PRKN: variants seen among roughly 807,000 people sequenced by gnomAD.
PRKN encodes the protein parkin RBR E3 ubiquitin protein ligase.
A neutral mutation model predicts 59.5 loss-of-function variants in PRKN; 56 were observed. That is an observed-to-expected ratio of 0.94 (90% CI 0.76 to 1.18). PRKN has a LOEUF of 1.18. Ranked by LOEUF, PRKN falls within the 50% of genes most tolerant of loss-of-function variation. PRKN has a pLI of 0.00. For missense variants in PRKN, 657 were observed against 596.4 expected (o/e 1.10, Z -1.06); for synonymous variants, 250 against 222.1 (o/e 1.13, Z -1.12).
At chr6:162,368,076 T>A (rs1022578766) in intron 2 of PRKN, among the ~76,000 whole-genome samples, 5 of 152,114 alleles carry the variant, frequency 3.3e-5, no homozygotes, top group African/African-American at 1.2e-4. Flanking sequence ...TTGGATCCAC[T>A]GAGCAGATGT....
intron 1 of PRKN, among the ~76,000 whole-genome samples, chr6:162,605,990 G>A (rs1781898433): frequency 6.6e-6 from 1 of 152,166 alleles, no homozygotes; most frequent in Non-Finnish European, 1.5e-5. Flanking sequence ...CAAATGCAGA[G>A]ATTCAAAGTT....
At position 162,396,545 on chromosome 6, in the gene PRKN, G is replaced by A. The variant is rs192429736; in HGVS notation, c.171+46765C>T. Among the ~76,000 whole-genome samples, 168 of 152,188 alleles carry A rather than the reference G, an allele frequency of 1.1e-3. 1 individual carries two copies. Among genetic ancestry groups the A allele is most frequent in the African/African-American group, 3.7e-3 (154 of 41,500 alleles). On this transcript the variant is annotated intron_variant, in intron 2 of 11. Coordinates refer to ENST00000366898, the MANE Select transcript of PRKN (RefSeq NM_004562.3). Reference sequence around the variant, plus strand: ...TCGTGACAAGGACCTTGTCTGTCGCGTTCACTGTTGTCACTCAGTCAGCCT... The same window carrying A: ...TCGTGACAAGGACCTTGTCTGTCGCATTCACTGTTGTCACTCAGTCAGCCT...
intron 1 of PRKN, among the ~76,000 whole-genome samples, chr6:162,522,487 A>C (rs1778116749): frequency 6.6e-6 from 1 of 152,234 alleles, no homozygotes; most frequent in Non-Finnish European, 1.5e-5. Flanking sequence ...GGTCTATACC[A>C]TCATGATAAA....
chr6:162,090,832 A>C (rs1356240488), intron 4 of PRKN, among the ~76,000 whole-genome samples: 1 of 152,132 alleles, frequency 6.6e-6, no homozygotes. Context: ...AAAATGCTAG[A>C]CCCTAAGATT....
chr6:161,780,448 C>A (rs1472440482), intron 7 of PRKN, among the ~76,000 whole-genome samples: 1 of 152,072 alleles, frequency 6.6e-6, no homozygotes, highest in Admixed American at 6.6e-5. Flanking sequence ...AGGGGTTATC[C>A]CAAGGGAACA....
At chr6:162,027,875 GGAA>G (rs1266230533) in intron 5 of PRKN, among the ~76,000 whole-genome samples, 2 of 151,546 alleles carry the variant, frequency 1.3e-5, no homozygotes, top group African/African-American at 4.8e-5. Flanking sequence ...AGAGAGGGAG[GGAA>G]GAAGGAAGGT....
In PRKN at chr6:161,566,556, G is replaced by A. The variant is rs1337655363; in HGVS notation, c.933+2799C>T. ...TGAGTAGCTGAGATTACAGGCGCCC[G>A]CCACCACACCCAGCTAACTTCTGTA... On this transcript the variant is annotated intron_variant, in intron 8 of 11. Transcript: ENST00000366898. This position sits in a 1 kb window ranked among gnomAD's most constrained non-coding sequence, Gnocchi z 4.1. 3.9e-5 allele frequency among the ~76,000 whole-genome samples: 6 copies of A among 151,914 alleles called. No individual in the cohort carries two copies. Among genetic ancestry groups the A allele is most frequent in the Admixed American group, 1.3e-4 (2 of 15,244 alleles).
rs117854189 is a variant in PRKN at position 161,982,230 on chromosome 6, G to T, written c.619-8813C>A. On this transcript the variant is annotated intron_variant, in intron 5 of 11. Transcript: ENST00000366898. Reference sequence around the variant, plus strand: ...TCCTGAAAAGTAAAATAAAAGGTTTGCCCACTGCTCAAGGAAATAAAAGAG... The same window carrying T: ...TCCTGAAAAGTAAAATAAAAGGTTTTCCCACTGCTCAAGGAAATAAAAGAG... Among the ~76,000 whole-genome samples, 62 of 149,776 alleles carry T rather than the reference G, an allele frequency of 4.1e-4. 3 individuals are homozygous for T. The highest frequency in any genetic ancestry group is 1.3e-3 in the South Asian group (6 of 4,800).
intron 10 of PRKN, among the ~76,000 whole-genome samples, chr6:161,368,343 G>GTATATATATT (rs1785302128): frequency 4.0e-5 from 3 of 74,926 alleles, no homozygotes; most frequent in African/African-American, 1.2e-4. Context: ...ATATATATTT[G>GTATATATATT]TATATATATT....
chr6:161,559,066 AC>A (rs1780355496), intron 8 of PRKN, among the ~76,000 whole-genome samples: 1 of 133,158 alleles, frequency 7.5e-6, no homozygotes, highest in African/African-American at 2.6e-5. Context: ...AAAAAAAAAA[AC>A]CAGTAAACAA....
At chr6:161,771,942 T>C (rs560627770) in intron 7 of PRKN, among the ~76,000 whole-genome samples, 2 of 152,304 alleles carry the variant, frequency 1.3e-5, no homozygotes, top group East Asian at 3.9e-4. Context: ...CTCATAGCAA[T>C]TTCTATGCAT....
chr6:162,147,241 G>C (rs151165299), intron 4 of PRKN, among the ~76,000 whole-genome samples: 2,405 of 151,256 alleles, frequency 0.016, 70 homozygotes, highest in African/African-American at 0.055. Context: ...TACTAGGGAG[G>C]CTAAGGTGGG....
At position 161,418,748 on chromosome 6, in the gene PRKN, A is replaced by G. The variant is rs1000612805; in HGVS notation, c.1084-31871T>C. 2.6e-5 allele frequency among the ~76,000 whole-genome samples: 4 copies of G among 152,166 alleles called. 1 individual carries two copies. The highest frequency in any genetic ancestry group is 9.7e-5 in the African/African-American group (4 of 41,422). Reference sequence around the variant, plus strand: ...AAAGCTGAAGTGTGAACAACAATTCACTCTTTCTATGGCCTCCCACATAGT... The same window carrying G: ...AAAGCTGAAGTGTGAACAACAATTCGCTCTTTCTATGGCCTCCCACATAGT... On this transcript the variant is annotated intron_variant, in intron 9 of 11. Coordinates refer to ENST00000366898, the MANE Select transcript of PRKN (RefSeq NM_004562.3).
At chr6:162,309,744 G>A (rs776329006) in intron 2 of PRKN, among the ~76,000 whole-genome samples, 4 of 152,144 alleles carry the variant, frequency 2.6e-5, no homozygotes, top group African/African-American at 7.2e-5. Flanking sequence ...TGTGCAGGAT[G>A]TGCATGTTAG....
chr6:161,773,823 G>T (rs1441084227), intron 7 of PRKN, among the ~76,000 whole-genome samples: 2 of 152,108 alleles, frequency 1.3e-5, no homozygotes, highest in African/African-American at 4.8e-5. Context: ...ATAAGATGCA[G>T]AAAAAGAAGA....
rs946620842 is a variant in PRKN, at chr6:161,443,680, TA to T, written c.1084-56804del. On this transcript the variant is annotated intron_variant, in intron 9 of 11. Transcript: ENST00000366898. ...GTTTTTTTAAATGGTCATAACCATT[TA>T]AAAAAAAAGAAAAAAAGAGAAAGAA... 3.5e-3 allele frequency among the ~76,000 whole-genome samples: 529 copies of T among 151,118 alleles called. 3 individuals carry two copies. Among genetic ancestry groups the T allele is most frequent in the African/African-American group, 0.012 (512 of 41,228 alleles).
At position 161,518,347 on chromosome 6, in the gene PRKN, T is replaced by C. The variant is rs1039245198; in HGVS notation, c.1083+30507A>G. The stretch of plus-strand genomic sequence containing the variant: ...CCACTGCCACTGAGCAAACAGAATG[T>C]CCTGTGCAGGGAAAGCAGCAGAAGG... On this transcript the variant is annotated intron_variant, in intron 9 of 11. Transcript: ENST00000366898. This position sits in a 1 kb window ranked among gnomAD's most constrained non-coding sequence, Gnocchi z 5.0. Among the ~76,000 whole-genome samples the C allele has an allele frequency of 2.0e-5, 3 of 152,200 alleles. No homozygotes were observed. Among genetic ancestry groups the C allele is most frequent in the Non-Finnish European group, 1.5e-5 (1 of 68,034 alleles).
At chr6:162,527,797 A>C (rs1778349022) in intron 1 of PRKN, among the ~76,000 whole-genome samples, 1 of 152,102 alleles carries the variant, frequency 6.6e-6, no homozygotes, top group South Asian at 2.1e-4. Flanking sequence ...CAGGCGCTTT[A>C]CATACAGTCG....
At chr6:161,966,825 TTTTG>T (rs773349627) in intron 6 of PRKN, among the ~76,000 whole-genome samples, 16 of 152,242 alleles carry the variant, frequency 1.1e-4, no homozygotes, top group Non-Finnish European at 2.1e-4. Context: ...GAGTAAAATA[TTTTG>T]TTTGTTTGTT....
Sources: allele counts gnomAD v4.1 joint callset (sites outside exome capture counted in the v4.1 genomes callset), GRCh38; gene constraint gnomAD v4.1.1; non-coding constraint Gnocchi (gnomAD v3.1); transcripts MANE v1.5; gene names NCBI Gene and HGNC (gene_info 2026-07-23, HGNC 2026-07-21).